Variants in WDR7 observed in about 807,000 individuals in gnomAD.
The protein encoded by WDR7 is WD repeat-containing protein 7.
WDR7 carries 46 observed loss-of-function variants against 169.4 expected under a neutral mutation model. The ratio of observed to expected loss-of-function variants is 0.27; its 90% CI spans 0.21 to 0.35. The LOEUF is 0.35. WDR7 is among the 10% of genes least tolerant of loss of function. The probability of loss-of-function intolerance (pLI) is 1.00; values close to 1 mark genes in which losing one functional copy is unlikely to be tolerated. For missense variants in WDR7, 1,534 were observed against 1,859.3 expected (o/e 0.83, Z 3.22); for synonymous variants, 612 against 666.8 (o/e 0.92, Z 1.27).
chr18:56,724,385 T>C (rs1334875221), intron 13 of WDR7, among the ~76,000 whole-genome samples: 1 of 151,704 alleles, frequency 6.6e-6, no homozygotes, highest in African/African-American at 2.4e-5. Flanking sequence ...ATTTTTTGTA[T>C]TTTTAGTAGA....
chr18:56,843,105 A>T (rs1380891742), intron 20 of WDR7, among the ~76,000 whole-genome samples: 1 of 152,194 alleles, frequency 6.6e-6, no homozygotes, highest in African/African-American at 2.4e-5. Context: ...TTGATGTTGA[A>T]AGTCCCCTTT....
At chr18:56,881,064 T>G (rs572385451) in intron 21 of WDR7, among the ~76,000 whole-genome samples, 3 of 152,352 alleles carry the variant, frequency 2.0e-5, no homozygotes, top group Non-Finnish European at 4.4e-5. Context: ...GCATGTTACT[T>G]TGTTATTTAT....
chr18:56,884,239 C>T (rs2046154672), intron 21 of WDR7, among the ~76,000 whole-genome samples: 1 of 152,118 alleles, frequency 6.6e-6, no homozygotes, highest in East Asian at 1.9e-4. Context: ...TTTTGATTTG[C>T]CTTTCCCTGA....
chr18:56,732,896 T>C (rs139065738), intron 14 of WDR7, among the ~76,000 whole-genome samples: 2 of 152,202 alleles, frequency 1.3e-5, no homozygotes, highest in Non-Finnish European at 2.9e-5. Context: ...CATGCATGCA[T>C]GTGGTGTAAC....
chr18:56,871,413 A>G (rs1255933672), intron 20 of WDR7, among the ~76,000 whole-genome samples: 2 of 152,270 alleles, frequency 1.3e-5, no homozygotes, highest in African/African-American at 4.8e-5. Context: ...CTTACAGCTC[A>G]CTGTTTTTCT....
chr18:56,757,639 G>C (rs1171644266), intron 15 of WDR7, among the ~76,000 whole-genome samples: 1 of 152,058 alleles, frequency 6.6e-6, no homozygotes, highest in African/African-American at 2.4e-5. Context: ...TTATAAAATT[G>C]TATACGTACT....
At chr18:56,722,518 A>G (rs948562270) in intron 13 of WDR7, among the ~76,000 whole-genome samples, 3 of 152,194 alleles carry the variant, frequency 2.0e-5, no homozygotes, top group Non-Finnish European at 4.4e-5. Context: ...GTTACAAAAC[A>G]TGCTATAGGA....
chr18:57,001,941 C>G (rs1400286900), intron 26 of WDR7, among the ~76,000 whole-genome samples: 1 of 152,080 alleles, frequency 6.6e-6, no homozygotes, highest in African/African-American at 2.4e-5. Context: ...CTGGGCCTGT[C>G]TACACTGGAA....
At chr18:56,709,214 T>C (rs902315591) in intron 12 of WDR7, among the ~76,000 whole-genome samples, 3 of 152,210 alleles carry the variant, frequency 2.0e-5, no homozygotes, top group Non-Finnish European at 4.4e-5. Context: ...ATGTGAGTGA[T>C]ACTGATGATT....
rs183755169 is a variant in WDR7, at chr18:56,963,885, A to G, written c.4164+1356A>G. Reference sequence around the variant, plus strand: ...AAGACAGTTTTTAAAACTGGAGTATATTACTGCTAGTAAATTTGAGAGAAA... The same window carrying G: ...AAGACAGTTTTTAAAACTGGAGTATGTTACTGCTAGTAAATTTGAGAGAAA... On this transcript the variant is annotated intron_variant, in intron 26 of 27. Transcript: ENST00000254442. Among the ~76,000 whole-genome samples the G allele has an allele frequency of 2.6e-5, 4 of 152,006 alleles. No homozygotes were observed. The East Asian group carries it at 7.7e-4, about 29-fold the overall frequency.
chr18:56,921,323 A>G (rs1194903618), intron 21 of WDR7, among the ~76,000 whole-genome samples: 1 of 152,182 alleles, frequency 6.6e-6, no homozygotes, highest in Non-Finnish European at 1.5e-5. Context: ...TAGATTTGAA[A>G]TTTGTGTGTA....
chr18:56,861,335 G>C (rs2045802036), intron 20 of WDR7, among the ~76,000 whole-genome samples: 1 of 152,168 alleles, frequency 6.6e-6, no homozygotes, highest in South Asian at 2.1e-4. Context: ...ACAGCTTAAG[G>C]CTTAATTGAC....
At chr18:56,999,702 G>A (rs1437070) in intron 26 of WDR7, among the ~76,000 whole-genome samples, 40,012 of 151,884 alleles carry the variant, frequency 0.26, 6,192 homozygotes, top group Non-Finnish European at 0.35. Context: ...AGAAACTAAT[G>A]CAAATTTAAT....
intron 1 of WDR7, among the ~76,000 whole-genome samples, chr18:56,670,725 G>A (rs1410291036): frequency 6.6e-6 from 1 of 152,106 alleles, no homozygotes; most frequent in African/African-American, 2.4e-5. Context: ...TGGCCAGGCT[G>A]GTCTTGAACT....
chr18:56,906,104 G>C (rs1310390010), intron 21 of WDR7, among the ~76,000 whole-genome samples: 1 of 152,190 alleles, frequency 6.6e-6, no homozygotes, highest in East Asian at 1.9e-4. Flanking sequence ...AGAGAGCCAG[G>C]CATTGTACGC....
intron 19 of WDR7, among the ~76,000 whole-genome samples, chr18:56,783,751 C>T (rs1431183741): frequency 3.3e-5 from 5 of 152,124 alleles, no homozygotes; most frequent in Admixed American, 3.3e-4. Flanking sequence ...CTAAGAAAAA[C>T]ACCAAAGATT....
At chr18:56,952,299 T>A (rs1276728387) in intron 25 of WDR7, among the ~76,000 whole-genome samples, 1 of 152,210 alleles carries the variant, frequency 6.6e-6, no homozygotes, top group East Asian at 1.9e-4. Context: ...AGTTTCCTCC[T>A]GTATGAAACA....
At chr18:56,662,878 T>G (rs2144461327) in intron 1 of WDR7, among the ~76,000 whole-genome samples, 1 of 152,364 alleles carries the variant, frequency 6.6e-6, no homozygotes, top group Admixed American at 6.5e-5. Context: ...GGGATCATTC[T>G]AGAACTAAAG....
intron 25 of WDR7, among the ~76,000 whole-genome samples, chr18:56,961,326 G>A (rs72930726): frequency 0.058 from 8,721 of 151,516 alleles, 329 homozygotes; most frequent in Non-Finnish European, 0.085. Context: ...TTTTTTTTCT[G>A]TCATGTTTTG....
Sources: gnomAD v4.1 joint callset for allele counts (sites outside exome capture counted in the v4.1 genomes callset) on GRCh38, gnomAD v4.1.1 for gene constraint, MANE v1.5 for transcripts, NCBI Gene and HGNC (gene_info 2026-07-23, HGNC 2026-07-21) for gene names.